MATK: variants seen among roughly 807,000 people sequenced by gnomAD.
MATK encodes megakaryocyte-associated tyrosine kinase, also known as megakaryocyte-associated tyrosine-protein kinase.
A neutral mutation model predicts 59.8 loss-of-function variants in MATK; 41 were observed. The observed-to-expected ratio is 0.69, with a 90% confidence interval of 0.53 to 0.89. The LOEUF (loss-of-function observed/expected upper bound fraction) is 0.89, where lower values mean the gene tolerates loss of function less well. MATK is among the 40% of genes least tolerant of loss of function. The pLI, the probability that MATK is intolerant of heterozygous loss-of-function variation, is 0.00. For synonymous variants in MATK, 308 were observed against 306.1 expected (o/e 1.01, Z -0.06); for missense variants, 593 against 719.6 (o/e 0.82, Z 2.01).
intron 7 of MATK, chr19:3,782,914 C>G (rs1227667377): frequency 3.6e-6 from 2 of 560,362 alleles, no homozygotes; most frequent in Admixed American, 6.4e-5. Context: ...ATGATGGTGA[C>G]AGATGAGTGG....
Position 3,786,337 on chromosome 19 carries a change from G to C in MATK, c.-320C>G. The C allele has an allele frequency of 3.0e-6, 3 of 984,108 alleles. No homozygotes were observed. The highest frequency in any genetic ancestry group is 3.6e-6 in the Non-Finnish European group (3 of 829,486). 61.0% of individuals were successfully genotyped at this position (984,108 alleles called of 1,614,324 possible). On this transcript the variant is annotated 5_prime_UTR_variant, in exon 1 of 14. Transcript: ENST00000310132. The surrounding 1 kb of genome is among the most constrained non-coding windows in gnomAD (Gnocchi z 4.1). ...CGGGGAGTGGGGGAAAGCGGGAGGC[G>C]CCGCGGCCTGGGAGGCCCCCGCGGG...
upstream of MATK, chr19:3,789,468 T>A: frequency 5.2e-6 from 3 of 578,220 alleles, no homozygotes; most frequent in South Asian, 6.4e-5. Context: ...GCAGGAGGCC[T>A]CACCCCAGAA....
chr19:3,779,137 C>T lies in MATK; in HGVS notation c.1052G>A (p.Arg351His), dbSNP rs1289364043. The change falls in exon 12 of 14, where the codon CGC (arginine) becomes CAC (histidine). Residue 351 changes from arginine (R) to histidine (H), a missense_variant. Arg to His is a conservative substitution (Grantham distance 29, BLOSUM62 0). Coordinates refer to ENST00000310132, the MANE Select transcript of MATK (RefSeq NM_139355.3). ...CAGGATGTTGCGGGCGGCCAGGTCG[C>T]GGTGCACAAGCTTCTTGCTCTCCAG... ...EYLESKKLVH[R>H]DLAARNILVS... 5.0e-6 allele frequency: 8 copies of T among 1,608,332 alleles called. No homozygotes were observed. Among genetic ancestry groups the T allele is most frequent in the East Asian group, 4.5e-5 (2 of 44,822 alleles).
chr19:3,790,603 C>T (rs368469423), upstream of MATK, among the ~76,000 whole-genome samples: 11 of 152,302 alleles, frequency 7.2e-5, no homozygotes, highest in East Asian at 1.2e-3. Flanking sequence ...TCCCAGGTCC[C>T]ATTTTCTCCT....
upstream of MATK, chr19:3,787,512 A>T (rs940263456): frequency 3.3e-5 from 5 of 151,918 alleles, no homozygotes; most frequent in African/African-American, 1.2e-4. Context: ...AGTAGCTGGG[A>T]TTACAGGTGC....
Position 3,781,650 on chromosome 19 carries a change from C to T in MATK, c.699G>A (p.Gln233=), listed in dbSNP as rs764895911. 1.9e-6 allele frequency: 3 copies of T among 1,613,712 alleles called. No homozygotes were observed. The highest frequency in any genetic ancestry group is 2.2e-5 in the South Asian group (2 of 91,094). The change falls in exon 8 of 14, where the codon CAG becomes CAA. Residue 233 remains glutamine (Q), a synonymous_variant. Coordinates refer to ENST00000310132, the MANE Select transcript of MATK (RefSeq NM_139355.3). Reference sequence around the variant, plus strand: ...CGATCTGTGCTCCCAATGTCAAATGCTGCAGGTTCAGTAACCAGCCCGCTG... The same window carrying T: ...CGATCTGTGCTCCCAATGTCAAATGTTGCAGGTTCAGTAACCAGCCCGCTG... ...LARAGWLLNL[Q]HLTLGAQIGE...
chr19:3,789,793 C>T (rs141856297), upstream of MATK, among the ~76,000 whole-genome samples: 72,955 of 147,056 alleles, frequency 0.5, 19,469 homozygotes, highest in South Asian at 0.67. Context: ...GGCCTGATCT[C>T]GGCTCACTGC....
At position 3,778,994 on chromosome 19, in the gene MATK, C is replaced by G; in HGVS notation, c.1195G>C (p.Gly399Arg). ...GGGTATGTGAAGGCAGGGCTCACCC[C>G]GTGTTTGAGAGCCTCGGGCGCCGTC... ...KWTAPEALKHGKFTSKSDVWS... is the reference protein window; with the variant it reads ...KWTAPEALKHRKFTSKSDVWS... The change falls in exon 12 of 14, where the codon GGG (glycine) becomes CGG (arginine). Residue 399 changes from glycine (G) to arginine (R), a missense_variant and splice_region_variant. Physicochemically the swap from Gly to Arg is moderately radical, Grantham distance 125. Coordinates refer to ENST00000310132, the MANE Select transcript of MATK (RefSeq NM_139355.3). The G allele has an allele frequency of 6.4e-7, 1 of 1,555,642 alleles. No homozygotes were observed. Among genetic ancestry groups the G allele is most frequent in the East Asian group, 2.3e-5 (1 of 44,302 alleles).
chr19:3,783,951 A>G lies in MATK; in HGVS notation c.445T>C (p.Ser149Pro). 6.2e-7 allele frequency: 1 copy of G among 1,612,040 alleles called. No individual in the cohort carries two copies. The highest frequency in any genetic ancestry group is 8.5e-7 in the Non-Finnish European group (1 of 1,179,614). The change falls in exon 6 of 14, where the codon TCC (serine) becomes CCC (proline). Residue 149 changes from serine to proline, a missense_variant. By Grantham distance (74) the Ser-to-Pro change is moderately conservative. Coordinates refer to ENST00000310132, the MANE Select transcript of MATK (RefSeq NM_139355.3). ...PEDGLFLVRE[S>P]ARHPGDYVLC... is the part of the protein sequence containing the mutation. ...ACGTAGTCGCCGGGGTGGCGCGCGG[A>G]CTCCCGCACCAGGAACAGCCCATCC...
chr19:3,778,430 C>T lies in MATK; in HGVS notation c.1285-8G>A. ...CGACACCTCTTTCAGTGACTGCGGA[C>T]AGCAGGCGTGGGCAGGGGTCAGGGC... On this transcript the variant is annotated splice_polypyrimidine_tract_variant and splice_region_variant and intron_variant, in intron 13 of 13. Coordinates refer to ENST00000310132, the MANE Select transcript of MATK (RefSeq NM_139355.3). 6.2e-7 allele frequency: 1 copy of T among 1,613,356 alleles called. No homozygotes were observed. Among genetic ancestry groups the T allele is most frequent in the Non-Finnish European group, 8.5e-7 (1 of 1,179,952 alleles).
intron 1 of MATK, among the ~76,000 whole-genome samples, chr19:3,791,882 T>A (rs1599206135): frequency 6.6e-6 from 1 of 151,376 alleles, no homozygotes; most frequent in Admixed American, 6.6e-5. Flanking sequence ...CCGAGGTGGG[T>A]GGTTCACCTG....
upstream of MATK, among the ~76,000 whole-genome samples, chr19:3,790,740 C>A (rs868365249): frequency 1.5e-4 from 23 of 152,244 alleles, no homozygotes; most frequent in Admixed American, 4.6e-4. Flanking sequence ...TCCAAGCTCA[C>A]TCTCCCACAC....
At chr19:3,791,462 C>A (rs1446456515) in intron 1 of MATK, among the ~76,000 whole-genome samples, 2 of 151,946 alleles carry the variant, frequency 1.3e-5, no homozygotes, top group African/African-American at 4.8e-5. Context: ...CCTGCCTCAG[C>A]CTCCCAAGTA....
chr19:3,790,584 C>T (rs994597862), upstream of MATK, among the ~76,000 whole-genome samples: 3 of 152,174 alleles, frequency 2.0e-5, no homozygotes, highest in Non-Finnish European at 4.4e-5. Context: ...GTTTGGCCTC[C>T]AGCTGATCTC....
Position 3,784,119 on chromosome 19 carries a change from C to G in MATK, c.362+5G>C. ...CTACCCCAGGCCCCTGTCCTGCCCA[C>G]TCACGGCATGAGGCTGAGCTTGGGG... is the stretch of plus-strand genomic sequence containing the variant. On this transcript the variant is annotated splice_donor_5th_base_variant and intron_variant, in intron 5 of 13. Coordinates refer to ENST00000310132, the MANE Select transcript of MATK (RefSeq NM_139355.3). 6.2e-7 allele frequency: 1 copy of G among 1,605,034 alleles called. No individual in the cohort carries two copies. The highest frequency in any genetic ancestry group is 8.5e-7 in the Non-Finnish European group (1 of 1,174,250).
At chr19:3,793,622 A>C (rs1022903560) in intron 1 of MATK, among the ~76,000 whole-genome samples, 5 of 152,096 alleles carry the variant, frequency 3.3e-5, no homozygotes, top group Non-Finnish European at 5.9e-5. Context: ...GAATGGCGTG[A>C]ACCCGGGAGG....
intron 5 of MATK, 42 bp from the exon 6 acceptor site, chr19:3,784,075 G>C: frequency 6.3e-7 from 1 of 1,589,876 alleles, no homozygotes; most frequent in Non-Finnish European, 8.6e-7. Flanking sequence ...GCTGTGGAGG[G>C]GGGGTCACTT....
chr19:3,785,028 T>C (rs1194628236), intron 2 of MATK, 36 bp downstream of exon 2: 1 of 1,597,638 alleles, frequency 6.3e-7, no homozygotes, highest in African/African-American at 1.3e-5. Context: ...GACCCAGAAC[T>C]GGCTCCCCAA....
chr19:3,786,624 C>T (rs375330241), upstream of MATK, among the ~76,000 whole-genome samples: 23 of 151,342 alleles, frequency 1.5e-4, no homozygotes, highest in East Asian at 2.0e-3. The surrounding 1 kb of genome is among the most constrained non-coding windows in gnomAD (Gnocchi z 4.1). Context: ...GTGAGCTGCC[C>T]GTCCGGGGAG....
Sources: allele counts gnomAD v4.1 joint callset (sites outside exome capture counted in the v4.1 genomes callset), GRCh38; gene constraint gnomAD v4.1.1; non-coding constraint Gnocchi (gnomAD v3.1); transcripts MANE v1.5; gene names NCBI Gene and HGNC (gene_info 2026-07-23, HGNC 2026-07-21).